DLGAP2: variants seen among roughly 807,000 people sequenced by gnomAD.
DLGAP2 encodes disks large-associated protein 2.
DLGAP2 carries 26 observed loss-of-function variants against 100.3 expected under a neutral mutation model. The observed-to-expected ratio is 0.26, with a 90% CI of 0.19 to 0.36. The LOEUF (loss-of-function observed/expected upper bound fraction) is 0.36, where lower values mean the gene tolerates loss of function less well. Ranked by LOEUF, DLGAP2 falls within the 10% of genes least tolerant of loss-of-function variation. The pLI is 1.00. For synonymous variants in DLGAP2, 886 were observed against 630.1 expected (o/e 1.41, Z -6.08); for missense variants, 1,858 against 1,453.2 (o/e 1.28, Z -4.53).
intron 2 of DLGAP2, among the ~76,000 whole-genome samples, chr8:1,080,382 A>G (rs1239387983): frequency 1.3e-5 from 2 of 152,176 alleles, no homozygotes; most frequent in Non-Finnish European, 2.9e-5. Context: ...GCCCTCACAG[A>G]GGTGTGCGTT....
chr8:940,044 T>C (rs1175357424), intron 2 of DLGAP2, among the ~76,000 whole-genome samples: 1 of 151,942 alleles, frequency 6.6e-6, no homozygotes, highest in African/African-American at 2.4e-5. Flanking sequence ...GGTGGAAAGC[T>C]TCTTTGGCTG....
At chr8:1,284,001 T>C (rs914440726) in intron 3 of DLGAP2, among the ~76,000 whole-genome samples, 5 of 152,372 alleles carry the variant, frequency 3.3e-5, no homozygotes, top group African/African-American at 1.2e-4. Context: ...ATGCCTATTA[T>C]CTTCCTGCTT....
intron 2 of DLGAP2, among the ~76,000 whole-genome samples, chr8:1,121,628 C>G (rs967507638): frequency 6.6e-6 from 1 of 152,036 alleles, no homozygotes; most frequent in Non-Finnish European, 1.5e-5. Flanking sequence ...CATCTTCATC[C>G]CTTCAGAACC....
At chr8:1,201,191 T>A (rs1301880031) in intron 2 of DLGAP2, among the ~76,000 whole-genome samples, 1 of 152,158 alleles carries the variant, frequency 6.6e-6, no homozygotes, top group African/African-American at 2.4e-5. Context: ...GAGCCCCTTG[T>A]CCATCAGGGT....
intron 8 of DLGAP2, among the ~76,000 whole-genome samples, chr8:1,652,437 G>C (rs1294022690): frequency 6.6e-6 from 1 of 152,046 alleles, no homozygotes; most frequent in Non-Finnish European, 1.5e-5. Flanking sequence ...TTTATTTAGT[G>C]AAAAAAAGGA....
intron 10 of DLGAP2, among the ~76,000 whole-genome samples, chr8:1,671,689 G>C (rs977643828): frequency 2.6e-5 from 4 of 152,214 alleles, no homozygotes; most frequent in African/African-American, 9.6e-5. Flanking sequence ...CACCTCCTAT[G>C]GCCCCCGTCC....
chr8:1,190,965 G>A (rs965062954), intron 2 of DLGAP2, among the ~76,000 whole-genome samples: 2 of 152,140 alleles, frequency 1.3e-5, no homozygotes, highest in East Asian at 1.9e-4. Flanking sequence ...AGCGCAGCGA[G>A]GGGGGTGGGT....
chr8:1,529,817 T>A (rs1467241167), intron 4 of DLGAP2, among the ~76,000 whole-genome samples: 4 of 152,148 alleles, frequency 2.6e-5, no homozygotes, highest in Admixed American at 2.0e-4. Flanking sequence ...AGAGAGAAAT[T>A]TTAAAGCTGG....
chr8:1,203,287 C>T (rs919721669), intron 2 of DLGAP2, among the ~76,000 whole-genome samples: 2 of 149,270 alleles, frequency 1.3e-5, no homozygotes, highest in Non-Finnish European at 3.0e-5. Context: ...GCCGCCCACC[C>T]CTCGGTGTTA....
chr8:1,169,651 A>G, intron 2 of DLGAP2, among the ~76,000 whole-genome samples: 1 of 152,030 alleles, frequency 6.6e-6, no homozygotes, highest in East Asian at 1.9e-4. Flanking sequence ...GCAATTGTGA[A>G]TGGGAGTTCA....
intron 3 of DLGAP2, among the ~76,000 whole-genome samples, chr8:1,372,220 C>T (rs1202564047): frequency 9.1e-5 from 8 of 88,010 alleles, no homozygotes; most frequent in East Asian, 2.2e-4. Flanking sequence ...AACGCTGGGA[C>T]GCTGGTCACC....
rs1799688693 is a variant in DLGAP2, at chr8:1,705,712, A to C, written c.*4306A>C. ...CCAGCCCTCTTCTTCTCAAGCCTGA[A>C]CTTCATTTTTTTTTTTAGCTGCAAA... On this transcript the variant is annotated 3_prime_UTR_variant, in exon 15 of 15. Coordinates refer to ENST00000637795, the MANE Select transcript of DLGAP2 (RefSeq NM_001346810.2). 1 of 151,804 alleles carries C rather than the reference A, an allele frequency of 6.6e-6. No homozygotes were observed. Among genetic ancestry groups the C allele is most frequent in the African/African-American group, 2.4e-5 (1 of 41,328 alleles). The allele number at this position is 151,804 out of a possible 1,614,324, so 9.4% of individuals were successfully genotyped here. A position where few individuals can be genotyped will look rare whatever the true frequency, so the allele number is the denominator to read the frequency against.
chr8:1,055,823 T>C (rs1053017700), intron 2 of DLGAP2, among the ~76,000 whole-genome samples: 1 of 152,252 alleles, frequency 6.6e-6, no homozygotes, highest in Non-Finnish European at 1.5e-5. Context: ...TCAGGCTCAT[T>C]TGGGCTTGAA....
At chr8:1,012,340 G>A (rs948876481) in intron 2 of DLGAP2, among the ~76,000 whole-genome samples, 1 of 152,198 alleles carries the variant, frequency 6.6e-6, no homozygotes, top group Non-Finnish European at 1.5e-5. Context: ...TCGGAAGCCC[G>A]TCTGCCACAC....
At chr8:1,683,500 T>C (rs1184379723) in intron 12 of DLGAP2, among the ~76,000 whole-genome samples, 1 of 151,320 alleles carries the variant, frequency 6.6e-6, no homozygotes, top group Non-Finnish European at 1.5e-5. Flanking sequence ...GGAACTTGCC[T>C]AAAGCTCCGC....
chr8:1,028,561 G>A (rs193105693), intron 2 of DLGAP2, among the ~76,000 whole-genome samples: 5 of 152,310 alleles, frequency 3.3e-5, no homozygotes, highest in East Asian at 1.9e-4. Flanking sequence ...CCAGGTGCCC[G>A]TGATGCTCCA....
Position 1,470,340 on chromosome 8 carries a change from C to T in DLGAP2, c.107-31026C>T, listed in dbSNP as rs531536810. Among the ~76,000 whole-genome samples the T allele has an allele frequency of 1.3e-4, 20 of 152,294 alleles. No homozygotes were observed. In the South Asian group the frequency reaches 4.1e-3, roughly 32 times the overall value. The stretch of plus-strand genomic sequence containing the variant: ...TCCTTCATCCCTCAGCTGGTGCCAC[C>T]AAGTGAGCCCCGCTGGTTCCTTACA... On this transcript the variant is annotated intron_variant, in intron 3 of 14. Coordinates refer to ENST00000637795, the MANE Select transcript of DLGAP2 (RefSeq NM_001346810.2).
chr8:831,465 G>A (rs965969361), intron 1 of DLGAP2, among the ~76,000 whole-genome samples: 1 of 152,090 alleles, frequency 6.6e-6, no homozygotes, highest in African/African-American at 2.4e-5. Context: ...AACATGTGGT[G>A]TTTGGTTTTC....
chr8:966,679 C>T (rs999400590), intron 2 of DLGAP2, among the ~76,000 whole-genome samples: 5 of 152,050 alleles, frequency 3.3e-5, no homozygotes, highest in African/African-American at 4.8e-5. Context: ...TCCTCTTTCA[C>T]GGTTTTTGCT....
Sources: allele counts gnomAD v4.1 joint callset (sites outside exome capture counted in the v4.1 genomes callset), GRCh38; gene constraint gnomAD v4.1.1; transcripts MANE v1.5; gene names NCBI Gene and HGNC (gene_info 2026-07-23, HGNC 2026-07-21).